Variants in DLC1 observed in about 807,000 individuals in gnomAD.
DLC1 encodes the protein DLC1 Rho GTPase activating protein, also known as rho GTPase-activating protein 7.
DLC1 carries 54 observed loss-of-function variants against 140.3 expected under a neutral mutation model. The ratio of observed to expected loss-of-function variants is 0.38; its 90% confidence interval spans 0.31 to 0.48. The LOEUF is 0.48. DLC1 is among the 20% of genes least tolerant of loss of function. The pLI, the probability that DLC1 is intolerant of heterozygous loss-of-function variation, is 0.96. For synonymous variants in DLC1, 986 were observed against 728.1 expected (o/e 1.35, Z -5.70); for missense variants, 2,536 against 1,907.0 (o/e 1.33, Z -6.14).
chr8:13,556,550 C>T (rs1275828067), intron 1 of DLC1, among the ~76,000 whole-genome samples: 1 of 152,170 alleles, frequency 6.6e-6, no homozygotes, highest in Admixed American at 6.5e-5. Flanking sequence ...ATGCCTGCTT[C>T]CTGTGGTCTC....
intron 2 of DLC1, among the ~76,000 whole-genome samples, chr8:13,492,724 T>G (rs1362994871): frequency 3.9e-5 from 6 of 152,226 alleles, no homozygotes; most frequent in African/African-American, 1.4e-4. Flanking sequence ...GCTCAATATT[T>G]ATTGATTGAT....
chr8:13,581,108 C>T (rs1032386528), intron 1 of DLC1, among the ~76,000 whole-genome samples: 7 of 152,336 alleles, frequency 4.6e-5, no homozygotes, highest in Non-Finnish European at 8.8e-5. Context: ...ACTAATCTCT[C>T]AACTCTTTGC....
rs116855270 is a variant in DLC1 at position 13,465,552 on chromosome 8, T to C, written c.1023+33497A>G. Among the ~76,000 whole-genome samples the C allele has an allele frequency of 6.1e-4, 93 of 152,282 alleles. No individual in the cohort carries two copies. In the East Asian group the frequency reaches 0.018, roughly 29 times the overall value. On this transcript the variant is annotated intron_variant, in intron 2 of 17. Coordinates refer to ENST00000276297, the MANE Select transcript of DLC1 (RefSeq NM_182643.3). ...TATGGGTTTCCTGTTCTATAAAATA[T>C]CCATTTTTTTGCCCGTTCTTCTTCT...
At chr8:13,385,857 A>G (rs929296337) in intron 4 of DLC1, among the ~76,000 whole-genome samples, 5 of 152,232 alleles carry the variant, frequency 3.3e-5, no homozygotes, top group East Asian at 1.9e-4. Context: ...TTAATTATCA[A>G]TCTGTTAGCA....
chr8:13,476,174 G>T (rs1242547342), intron 2 of DLC1, among the ~76,000 whole-genome samples: 1 of 152,158 alleles, frequency 6.6e-6, no homozygotes, highest in African/African-American at 2.4e-5. Context: ...TTATAATACT[G>T]CTTCAGAACC....
intron 4 of DLC1, among the ~76,000 whole-genome samples, chr8:13,350,303 T>A (rs1404468934): frequency 7.8e-6 from 1 of 128,382 alleles, no homozygotes; most frequent in Non-Finnish European, 1.8e-5. Flanking sequence ...AGGTTTATCA[T>A]TTTTTTTTTT....
At chr8:13,248,412 C>T (rs1459905927) in intron 5 of DLC1, among the ~76,000 whole-genome samples, 1 of 152,102 alleles carries the variant, frequency 6.6e-6, no homozygotes, top group Non-Finnish European at 1.5e-5. Context: ...GACTCTCTGA[C>T]TCTGAGCTGT....
intron 2 of DLC1, among the ~76,000 whole-genome samples, chr8:13,437,551 C>A (rs1476781153): frequency 2.6e-5 from 4 of 152,208 alleles, no homozygotes; most frequent in Admixed American, 2.0e-4. Flanking sequence ...TTCAACATAT[C>A]ACGTCAGCAC....
At chr8:13,433,311 A>T (rs1474394225) in intron 2 of DLC1, among the ~76,000 whole-genome samples, 1 of 152,170 alleles carries the variant, frequency 6.6e-6, no homozygotes, top group Non-Finnish European at 1.5e-5. Flanking sequence ...GGGGCTCAGT[A>T]AGGCTTAATG....
At chr8:13,459,663 C>G (rs1245507977) in intron 2 of DLC1, among the ~76,000 whole-genome samples, 4 of 152,162 alleles carry the variant, frequency 2.6e-5, no homozygotes, top group Non-Finnish European at 5.9e-5. Flanking sequence ...AATTCTCTGG[C>G]CAACTTCTCC....
At chr8:13,130,868 CA>C (rs1159031512) in intron 5 of DLC1, among the ~76,000 whole-genome samples, 1 of 152,210 alleles carries the variant, frequency 6.6e-6, no homozygotes, top group African/African-American at 2.4e-5. Context: ...GCAAACTTTT[CA>C]AAACAGCCAG....
intron 4 of DLC1, among the ~76,000 whole-genome samples, chr8:13,365,060 C>G (rs1298518035): frequency 1.3e-5 from 2 of 152,174 alleles, no homozygotes; most frequent in Non-Finnish European, 2.9e-5. Flanking sequence ...TGTTCTAATA[C>G]TTCATTTACA....
chr8:13,563,765 T>A (rs1259334494), intron 1 of DLC1, among the ~76,000 whole-genome samples: 1 of 152,212 alleles, frequency 6.6e-6, no homozygotes, highest in Admixed American at 6.5e-5. Flanking sequence ...GCTAAAGGAA[T>A]AATTTTTCAT....
intron 1 of DLC1, among the ~76,000 whole-genome samples, chr8:13,547,116 C>T (rs1044424750): frequency 2.6e-5 from 4 of 151,846 alleles, no homozygotes. Context: ...TGATGGAAAG[C>T]TTATGAAATG....
chr8:13,545,764 C>G (rs1311521940), intron 1 of DLC1, among the ~76,000 whole-genome samples: 2 of 152,024 alleles, frequency 1.3e-5, no homozygotes, highest in African/African-American at 2.4e-5. Flanking sequence ...ACAAGACTTT[C>G]TATTTTCCTA....
At chr8:13,591,488 A>G (rs540046143) in intron 1 of DLC1, among the ~76,000 whole-genome samples, 2 of 152,186 alleles carry the variant, frequency 1.3e-5, no homozygotes, top group Middle Eastern at 3.4e-3. Flanking sequence ...CCCTTCCAAC[A>G]TGATTGTAAG....
intron 1 of DLC1, among the ~76,000 whole-genome samples, chr8:13,566,362 C>T (rs903164351): frequency 8.2e-5 from 12 of 147,030 alleles, no homozygotes; most frequent in Admixed American, 6.1e-4. Flanking sequence ...CCCTGCTCCC[C>T]ACCCCCGACC....
At chr8:13,446,092 T>G (rs1798764158) in intron 2 of DLC1, among the ~76,000 whole-genome samples, 1 of 152,146 alleles carries the variant, frequency 6.6e-6, no homozygotes, top group Non-Finnish European at 1.5e-5. Flanking sequence ...ACATATCAAT[T>G]ACGTTTCAGA....
intron 1 of DLC1, among the ~76,000 whole-genome samples, chr8:13,520,945 A>C (rs1030016196): frequency 6.6e-6 from 1 of 152,150 alleles, no homozygotes. Context: ...ATGGCCAAAA[A>C]AAGGGTCCAT....
Sources: allele counts gnomAD v4.1 joint callset (sites outside exome capture counted in the v4.1 genomes callset), GRCh38; gene constraint gnomAD v4.1.1; transcripts MANE v1.5; gene names NCBI Gene and HGNC (gene_info 2026-07-23, HGNC 2026-07-21).